LRMDA: variants seen among roughly 807,000 people sequenced by gnomAD.
LRMDA encodes the protein leucine-rich melanocyte differentiation-associated protein.
In LRMDA, 18 loss-of-function variants were observed where a neutral mutation model predicts 29.8. That is an observed-to-expected ratio of 0.60 (90% CI 0.42 to 0.90). The LOEUF (loss-of-function observed/expected upper bound fraction) is 0.90. LRMDA is among the 40% of genes least tolerant of loss of function. The pLI is 0.00. For synonymous variants in LRMDA, 125 were observed against 109.4 expected (o/e 1.14, Z -0.89); for missense variants, 273 against 273.9 (o/e 1.00, Z 0.02).
chr10:75,481,112 TA>T (rs747611877), intron 2 of LRMDA, among the ~76,000 whole-genome samples: 6 of 152,086 alleles, frequency 3.9e-5, no homozygotes, highest in Non-Finnish European at 5.9e-5. Context: ...CAGGACACAG[TA>T]GATATATAGC....
chr10:76,420,210 CATTTAA>C (rs1397283557), intron 6 of LRMDA, among the ~76,000 whole-genome samples: 2 of 151,818 alleles, frequency 1.3e-5, no homozygotes, highest in African/African-American at 4.8e-5. Flanking sequence ...TGTGGTAAGG[CATTTAA>C]TTACAGATTT....
At chr10:75,823,852 G>A (rs1359071605) in intron 2 of LRMDA, among the ~76,000 whole-genome samples, 3 of 152,054 alleles carry the variant, frequency 2.0e-5, no homozygotes, top group Admixed American at 6.5e-5. Flanking sequence ...GGTTTGAACT[G>A]GAGGCCATCC....
intron 2 of LRMDA, among the ~76,000 whole-genome samples, chr10:75,874,057 A>G (rs1226573646): frequency 1.3e-5 from 2 of 152,262 alleles, no homozygotes; most frequent in South Asian, 2.1e-4. Flanking sequence ...CTTCATCCCT[A>G]TACTTACCAC....
At chr10:75,779,272 CT>C (rs1390067451) in intron 2 of LRMDA, among the ~76,000 whole-genome samples, 3 of 152,068 alleles carry the variant, frequency 2.0e-5, no homozygotes, top group Non-Finnish European at 4.4e-5. Flanking sequence ...CCTTTTGCCC[CT>C]CTCCCCCACC....
At chr10:75,527,694 AT>A (rs1394667754) in intron 2 of LRMDA, among the ~76,000 whole-genome samples, 2 of 145,776 alleles carry the variant, frequency 1.4e-5, no homozygotes, top group African/African-American at 5.1e-5. Context: ...TATAATTTAT[AT>A]TATAATTGTT....
intron 2 of LRMDA, among the ~76,000 whole-genome samples, chr10:76,022,190 G>A (rs768121687): frequency 6.6e-6 from 1 of 152,150 alleles, no homozygotes; most frequent in Non-Finnish European, 1.5e-5. Context: ...CTTGTTTCAC[G>A]AGATTTGGGG....
intron 2 of LRMDA, among the ~76,000 whole-genome samples, chr10:75,713,680 G>A (rs1842464670): frequency 6.6e-6 from 1 of 152,184 alleles, no homozygotes; most frequent in African/African-American, 2.4e-5. Context: ...AAGAAACCTA[G>A]AATCTTATAA....
chr10:76,394,057 C>A (rs1028800830), intron 6 of LRMDA, among the ~76,000 whole-genome samples: 1 of 152,142 alleles, frequency 6.6e-6, no homozygotes, highest in Non-Finnish European at 1.5e-5. Flanking sequence ...GACAGAAGAA[C>A]ACAGGATACA....
chr10:76,317,600 G>GTCTC (rs1840716224), intron 5 of LRMDA, among the ~76,000 whole-genome samples: 2 of 152,134 alleles, frequency 1.3e-5, no homozygotes, highest in Non-Finnish European at 2.9e-5. Flanking sequence ...TTGAGATGGA[G>GTCTC]TCTCTCTCTG....
chr10:76,095,384 A>T (rs1228589000), intron 5 of LRMDA, among the ~76,000 whole-genome samples: 1 of 152,218 alleles, frequency 6.6e-6, no homozygotes, highest in African/African-American at 2.4e-5. Context: ...TCATAAGCTG[A>T]GGGGCAGTTA....
chr10:75,750,815 G>A (rs549341734), intron 2 of LRMDA, among the ~76,000 whole-genome samples: 214 of 143,962 alleles, frequency 1.5e-3, no homozygotes, highest in African/African-American at 4.5e-3. Flanking sequence ...GGGAAGAGGC[G>A]CTCCTCACTT....
In LRMDA at chr10:76,044,769, G is replaced by T. The variant is rs142116325; in HGVS notation, c.259-2395G>T. Among the ~76,000 whole-genome samples, 15 of 152,254 alleles carry T rather than the reference G, an allele frequency of 9.9e-5. No individual in the cohort carries two copies. In the East Asian group the frequency reaches 2.9e-3, roughly 29 times the overall value. The stretch of plus-strand genomic sequence containing the variant: ...CCATCTCTGGATGTTATTTGTGAAA[G>T]ATTTGAGAGATTGAAAACAAACTTC... On this transcript the variant is annotated intron_variant, in intron 3 of 6. Coordinates refer to ENST00000611255, the MANE Select transcript of LRMDA (RefSeq NM_001305581.2).
chr10:75,968,415 C>T (rs1846905136), intron 2 of LRMDA, among the ~76,000 whole-genome samples: 1 of 152,152 alleles, frequency 6.6e-6, no homozygotes, highest in Non-Finnish European at 1.5e-5. Flanking sequence ...TGTACCATGG[C>T]AGGCTTCTCT....
intron 2 of LRMDA, among the ~76,000 whole-genome samples, chr10:75,506,680 G>T (rs1459308866): frequency 6.6e-6 from 1 of 152,220 alleles, no homozygotes; most frequent in Non-Finnish European, 1.5e-5. Flanking sequence ...ATCCCCTGTA[G>T]AGTTCAGCGC....
intron 2 of LRMDA, among the ~76,000 whole-genome samples, chr10:75,598,044 C>T (rs762442077): frequency 6.6e-5 from 10 of 152,100 alleles, no homozygotes; most frequent in Non-Finnish European, 1.5e-4. Context: ...CCCGTAGAGC[C>T]GGCATTGATT....
chr10:75,620,794 T>C (rs558952953), intron 2 of LRMDA, among the ~76,000 whole-genome samples: 1 of 152,372 alleles, frequency 6.6e-6, no homozygotes, highest in South Asian at 2.1e-4. Flanking sequence ...CTTATGACTT[T>C]GTGGTCTCTA....
intron 5 of LRMDA, among the ~76,000 whole-genome samples, chr10:76,273,180 C>T (rs1840088915): frequency 6.6e-6 from 1 of 152,100 alleles, no homozygotes; most frequent in Admixed American, 6.5e-5. Context: ...CAAATGTAAA[C>T]ATCTCCACAT....
intron 2 of LRMDA, among the ~76,000 whole-genome samples, chr10:75,748,902 T>C (rs902736632): frequency 6.6e-6 from 1 of 152,206 alleles, no homozygotes; most frequent in Non-Finnish European, 1.5e-5. Context: ...TATATACATT[T>C]ATATGTATGT....
rs11415547 is a variant in LRMDA at position 75,525,592 on chromosome 10, C to CTTT, written c.131+87113_131+87115dup. Among the ~76,000 whole-genome samples the CTTT allele has an allele frequency of 5.1e-3, 657 of 129,662 alleles. 9 individuals carry two copies. The highest frequency in any genetic ancestry group is 8.3e-3 in the African/African-American group (291 of 34,982). The allele number at this position is 129,662 out of a possible 152,430, so 85.1% of individuals were successfully genotyped here. A position where few individuals can be genotyped will look rare whatever the true frequency, so the allele number is the denominator to read the frequency against. The stretch of plus-strand genomic sequence containing the variant: ...TTCTTTTCTTTTTCTTTCTTTCTTT[C>CTTT]TTTTTTTTTTTTTTTTTGTGAGAAA... On this transcript the variant is annotated intron_variant, in intron 2 of 6. Transcript: ENST00000611255.
Sources: allele counts gnomAD v4.1 joint callset (sites outside exome capture counted in the v4.1 genomes callset), GRCh38; gene constraint gnomAD v4.1.1; transcripts MANE v1.5; gene names NCBI Gene and HGNC (gene_info 2026-07-23, HGNC 2026-07-21).